Variants in DMD observed in about 807,000 individuals in gnomAD.
DMD encodes the protein mutant dystrophin.
In DMD, 63 loss-of-function variants were observed where a neutral mutation model predicts 330.1. The observed-to-expected ratio is 0.19, with a 90% CI of 0.16 to 0.24. DMD has a LOEUF of 0.24. DMD is among the 10% of genes least tolerant of loss of function. The pLI, the probability that DMD is intolerant of heterozygous loss-of-function variation, is 1.00. For synonymous variants in DMD, 1,223 were observed against 959.8 expected (o/e 1.27, Z -5.07); for missense variants, 3,344 against 2,684.1 (o/e 1.25, Z -5.43).
At chrX:31,668,825 T>C (rs2081580057) in intron 53 of DMD, among the ~76,000 whole-genome samples, 1 of 111,914 alleles carries the variant, frequency 8.9e-6, no homozygotes, top group Non-Finnish European at 1.9e-5. Flanking sequence ...TGAGTTTGAC[T>C]TTTTTAGATT....
chrX:31,538,356 C>T (rs1569550258), intron 55 of DMD, among the ~76,000 whole-genome samples: 1 of 112,180 alleles, frequency 8.9e-6, no homozygotes, highest in East Asian at 2.8e-4. Flanking sequence ...CAGGGATGTT[C>T]AACCTGTAGT....
intron 1 of DMD, among the ~76,000 whole-genome samples, chrX:33,025,129 G>A (rs1315658655): frequency 8.9e-6 from 1 of 111,878 alleles, no homozygotes; most frequent in Non-Finnish European, 1.9e-5. Context: ...ATGGAGAAAG[G>A]AATATGTAGC....
In DMD at chrX:32,720,755, C is replaced by T. The variant is rs147339550; in HGVS notation, c.650-21462G>A. ...AATGTATGCATAGATCAAAACACTA[C>T]ATTTTACCCCATTATTATCTGCTTT... On this transcript the variant is annotated intron_variant, in intron 7 of 78. Coordinates refer to ENST00000357033, the MANE Select transcript of DMD (RefSeq NM_004006.3). Among the ~76,000 whole-genome samples, 1,043 of 111,279 alleles carry T rather than the reference C, an allele frequency of 9.4e-3. 7 individuals are homozygous for T. Among genetic ancestry groups the T allele is most frequent in the African/African-American group, 0.032 (971 of 30,704 alleles).
At chrX:31,672,579 T>C (rs2081867123) in intron 53 of DMD, among the ~76,000 whole-genome samples, 1 of 112,332 alleles carries the variant, frequency 8.9e-6, no homozygotes, top group African/African-American at 3.2e-5. Context: ...TGTATTTCCT[T>C]AATATTTTTT....
At chrX:32,301,222 T>TAAAAAAAAAAAAAA (rs56329666) in intron 42 of DMD, among the ~76,000 whole-genome samples, 2 of 74,640 alleles carry the variant, frequency 2.7e-5, no homozygotes, top group African/African-American at 4.9e-5. Context: ...TGCATACATC[T>TAAAAAAAAAAAAAA]AAAAAAAAAA....
At chrX:32,397,380 G>A (rs992685621) in intron 30 of DMD, among the ~76,000 whole-genome samples, 3 of 111,364 alleles carry the variant, frequency 2.7e-5, no homozygotes, top group East Asian at 2.8e-4. Context: ...AGCAAATCAC[G>A]GATACTGATG....
chrX:31,762,657 G>A (rs1295485557), intron 51 of DMD, among the ~76,000 whole-genome samples: 3 of 111,875 alleles, frequency 2.7e-5, no homozygotes, highest in African/African-American at 6.5e-5. Flanking sequence ...TGGGACATAC[G>A]GTTTTGGAGG....
intron 43 of DMD, among the ~76,000 whole-genome samples, chrX:32,270,208 T>C (rs2097360469): frequency 8.9e-6 from 1 of 112,271 alleles, no homozygotes; most frequent in Admixed American, 9.5e-5. Context: ...CTCAAGTCAG[T>C]AAATAATAAA....
At chrX:32,637,231 C>A (rs1191196265) in intron 11 of DMD, among the ~76,000 whole-genome samples, 1 of 111,522 alleles carries the variant, frequency 9.0e-6, no homozygotes, top group Non-Finnish European at 1.9e-5. Flanking sequence ...GAAATAGAAG[C>A]TCACTCTCAA....
At chrX:31,777,247 C>G (rs7054285) in intron 50 of DMD, among the ~76,000 whole-genome samples, 3 of 110,664 alleles carry the variant, frequency 2.7e-5, no homozygotes, top group South Asian at 3.8e-4. Flanking sequence ...GCTATTTTCA[C>G]GAGAAGATAA....
intron 9 of DMD, among the ~76,000 whole-genome samples, chrX:32,679,966 G>A (rs1329333088): frequency 1.2e-5 from 1 of 85,004 alleles, no homozygotes; most frequent in African/African-American, 4.8e-5. Flanking sequence ...CCAGGCTGGA[G>A]TGCAGTGGCG....
At chrX:33,114,411 C>T (rs2095366063) in intron 1 of DMD, among the ~76,000 whole-genome samples, 1 of 111,021 alleles carries the variant, frequency 9.0e-6, no homozygotes, top group Non-Finnish European at 1.9e-5. Flanking sequence ...CCGTGCCCGG[C>T]CAGCAAAATA....
chrX:31,422,911 C>A (rs1602681530), intron 60 of DMD, among the ~76,000 whole-genome samples: 1 of 109,453 alleles, frequency 9.1e-6, no homozygotes, highest in East Asian at 2.8e-4. Flanking sequence ...GAACAATAAA[C>A]AAAGTGAGAA....
chrX:31,961,814 C>G (rs1243280631), intron 45 of DMD, among the ~76,000 whole-genome samples: 1 of 89,318 alleles, frequency 1.1e-5, no homozygotes, highest in Non-Finnish European at 2.1e-5. Context: ...CAGAAAACTT[C>G]AGGTCATTCA....
At position 31,184,995 on chromosome X, in the gene DMD, A is replaced by G. The variant is rs1230844274; in HGVS notation, c.9808-2091T>C. Reference sequence around the variant, plus strand: ...GGGGGGAGGGGGGAGGGATAGCATTAGGAGATATACCTAATGCTAGATGAC... The same window carrying G: ...GGGGGGAGGGGGGAGGGATAGCATTGGGAGATATACCTAATGCTAGATGAC... On this transcript the variant is annotated intron_variant, in intron 67 of 78. Coordinates refer to ENST00000357033, the MANE Select transcript of DMD (RefSeq NM_004006.3). 1.3e-3 allele frequency among the ~76,000 whole-genome samples: 129 copies of G among 96,367 alleles called. 1 individual carries two copies. Among genetic ancestry groups the G allele is most frequent in the African/African-American group, 4.1e-3 (106 of 25,574 alleles). 83.7% of individuals were successfully genotyped at this position (96,367 alleles called of 115,157 possible).
intron 61 of DMD, among the ~76,000 whole-genome samples, chrX:31,341,891 G>GCACGCGCGCGCACACACACACACA (rs1556527378): frequency 1.0e-5 from 1 of 98,876 alleles, no homozygotes; most frequent in Non-Finnish European, 2.0e-5. Flanking sequence ...GTGCGCGCGC[G>GCACGCGCGCGCACACACACACACA]CACACACACA....
At chrX:32,309,931 G>A in intron 42 of DMD, 151 bp downstream of exon 42, 1 of 489,001 alleles carries the variant, frequency 2.0e-6, no homozygotes, top group Non-Finnish European at 3.4e-6. Context: ...CTAGATTTCT[G>A]AAGCCAACCA....
At chrX:32,952,331 A>G (rs1023653978) in intron 2 of DMD, among the ~76,000 whole-genome samples, 2 of 109,563 alleles carry the variant, frequency 1.8e-5, no homozygotes, top group African/African-American at 6.7e-5. Context: ...ATGGGATTTC[A>G]CCGCGTTGGT....
At chrX:31,398,275 A>G (rs1293595563) in intron 60 of DMD, among the ~76,000 whole-genome samples, 1 of 112,101 alleles carries the variant, frequency 8.9e-6, no homozygotes, top group African/African-American at 3.2e-5. Context: ...AGCCACTAAA[A>G]TGGACTGGCT....
Sources: allele counts gnomAD v4.1 joint callset (sites outside exome capture counted in the v4.1 genomes callset), GRCh38; gene constraint gnomAD v4.1.1; transcripts MANE v1.5; gene names NCBI Gene and HGNC (gene_info 2026-07-23, HGNC 2026-07-21).